Variants in SHISA6 observed in about 807,000 individuals in gnomAD.
SHISA6 encodes shisa family member 6.
In SHISA6, 22 loss-of-function variants were observed where a neutral mutation model predicts 47.9. The ratio of observed to expected loss-of-function variants is 0.46; its 90% CI spans 0.33 to 0.66. The LOEUF is 0.66. Among genes scored for constraint, SHISA6 ranks in the 30% least tolerant of loss-of-function variants. The pLI is 0.02. For missense variants in SHISA6, 680 were observed against 764.6 expected, an observed-to-expected ratio of 0.89 and a Z score of 1.30; for synonymous variants, 388 against 337.8, an observed-to-expected ratio of 1.15 and a Z score of -1.63.
At chr17:11,385,237 G>A (rs140599719) in intron 3 of SHISA6, among the ~76,000 whole-genome samples, 8 of 152,276 alleles carry the variant, frequency 5.3e-5, no homozygotes, top group East Asian at 1.9e-4. Flanking sequence ...GGATCAGGCC[G>A]TCTGGATTCC....
chr17:11,357,229 A>C (rs960816935), intron 2 of SHISA6, among the ~76,000 whole-genome samples: 14 of 150,654 alleles, frequency 9.3e-5, no homozygotes, highest in African/African-American at 2.2e-4. Flanking sequence ...GAAGAAGAAG[A>C]AGCAGGGAGG....
chr17:11,423,326 TATAG>T (rs57338481), intron 3 of SHISA6, among the ~76,000 whole-genome samples: 6,331 of 142,608 alleles, frequency 0.044, 191 homozygotes, highest in East Asian at 0.09. Flanking sequence ...GTAACATATA[TATAG>T]ATAGATAGAT....
chr17:11,523,357 C>A (rs1235635564), intron 3 of SHISA6, among the ~76,000 whole-genome samples: 3 of 152,174 alleles, frequency 2.0e-5, no homozygotes, highest in Non-Finnish European at 4.4e-5. Context: ...CAAAAGGAAT[C>A]TGACAAAACA....
In SHISA6 at chr17:11,558,320, CG is replaced by C. The variant is rs2072004416; in HGVS notation, c.*20del. ...GACCGTGTGACCGGCGGGGCAGGGC[CG>C]GGGCTGCTGGGCGTGGCAGAGCAGA... is the stretch of plus-strand genomic sequence containing the variant. On this transcript the variant is annotated 3_prime_UTR_variant, in exon 6 of 6. Transcript: ENST00000441885. 1 of 1,534,034 alleles carries C rather than the reference CG, an allele frequency of 6.5e-7. No individual in the cohort carries two copies. The highest frequency in any genetic ancestry group is 2.0e-5 in the Admixed American group (1 of 50,840).
At chr17:11,516,157 G>A (rs2071584070) in intron 3 of SHISA6, among the ~76,000 whole-genome samples, 1 of 152,112 alleles carries the variant, frequency 6.6e-6, no homozygotes, top group South Asian at 2.1e-4. Flanking sequence ...TTTATAAGCT[G>A]AACACCAGAG....
intron 1 of SHISA6, among the ~76,000 whole-genome samples, chr17:11,252,059 A>T (rs1218098217): frequency 6.6e-6 from 1 of 151,972 alleles, no homozygotes; most frequent in African/African-American, 2.4e-5. Context: ...CCCTGTTTTC[A>T]TCCTTCTTGT....
intron 3 of SHISA6, among the ~76,000 whole-genome samples, chr17:11,479,112 A>G (rs57002533): frequency 0.027 from 4,034 of 152,072 alleles, 191 homozygotes; most frequent in African/African-American, 0.092. Context: ...AGTTTGCAAT[A>G]TACACCTACA....
chr17:11,257,828 A>G (rs190556642), intron 1 of SHISA6, among the ~76,000 whole-genome samples: 73 of 152,276 alleles, frequency 4.8e-4, no homozygotes, highest in Non-Finnish European at 5.9e-5. Flanking sequence ...AGAATTAGCT[A>G]TCAGAGACTT....
intron 3 of SHISA6, among the ~76,000 whole-genome samples, chr17:11,467,330 C>T (rs1310687383): frequency 6.6e-6 from 1 of 152,152 alleles, no homozygotes; most frequent in East Asian, 1.9e-4. Flanking sequence ...TAAACCACCA[C>T]CACCAACACC....
intron 3 of SHISA6, among the ~76,000 whole-genome samples, chr17:11,469,327 G>A (rs1230314052): frequency 1.3e-5 from 2 of 152,120 alleles, no homozygotes; most frequent in Non-Finnish European, 2.9e-5. Flanking sequence ...TGAAGATGGA[G>A]GAAGGGGCCA....
chr17:11,349,617 G>A (rs147246371), intron 2 of SHISA6, among the ~76,000 whole-genome samples: 63 of 152,288 alleles, frequency 4.1e-4, no homozygotes, highest in African/African-American at 1.3e-3. Context: ...TTGGGGATGG[G>A]GGACGCGTGA....
At chr17:11,526,671 G>T (rs2142367542) in intron 3 of SHISA6, among the ~76,000 whole-genome samples, 1 of 152,088 alleles carries the variant, frequency 6.6e-6, no homozygotes, top group Non-Finnish European at 1.5e-5. Flanking sequence ...ACGTTATACA[G>T]CTGAGTTTTA....
intron 3 of SHISA6, among the ~76,000 whole-genome samples, chr17:11,535,741 T>C (rs1597574797): frequency 6.6e-6 from 1 of 152,324 alleles, no homozygotes; most frequent in Non-Finnish European, 1.5e-5. Context: ...AGCTACTTAT[T>C]TTTTGCGTGA....
chr17:11,550,058 T>C (rs75559062), intron 3 of SHISA6, among the ~76,000 whole-genome samples: 1 of 144,348 alleles, frequency 6.9e-6, no homozygotes, highest in African/African-American at 2.5e-5. Flanking sequence ...GTGCTTGACA[T>C]TTTTTTTTTT....
chr17:11,248,842 G>A, intron 1 of SHISA6, among the ~76,000 whole-genome samples: 1 of 152,090 alleles, frequency 6.6e-6, no homozygotes. Flanking sequence ...GCAGAAATCT[G>A]TCATTAAAAA....
rs552596148 is a variant in SHISA6 at position 11,489,063 on chromosome 17, C to A, written c.896-62833C>A. 2.4e-4 allele frequency among the ~76,000 whole-genome samples: 37 copies of A among 152,254 alleles called. 2 individuals carry two copies. In the South Asian group the frequency reaches 7.7e-3, roughly 32 times the overall value. On this transcript the variant is annotated intron_variant, in intron 3 of 5. Coordinates refer to ENST00000441885, the MANE Select transcript of SHISA6 (RefSeq NM_207386.4). ...TCTAGATTCTCTCTTCTAGGCTAGG[C>A]AAGATGTCTCCAAAATCTTTCTGGT...
chr17:11,447,817 G>A (rs1327321613), intron 3 of SHISA6, among the ~76,000 whole-genome samples: 1 of 152,176 alleles, frequency 6.6e-6, no homozygotes, highest in Non-Finnish European at 1.5e-5. Flanking sequence ...GTTTTGCTAT[G>A]GAAGGAAATA....
chr17:11,330,758 T>C (rs993413741), intron 2 of SHISA6, among the ~76,000 whole-genome samples: 1 of 151,662 alleles, frequency 6.6e-6, no homozygotes, highest in Admixed American at 6.6e-5. Context: ...AGTATCTAGA[T>C]GTTTAAGGTA....
chr17:11,343,575 T>C (rs1018388660), intron 2 of SHISA6, among the ~76,000 whole-genome samples: 1 of 152,180 alleles, frequency 6.6e-6, no homozygotes, highest in Non-Finnish European at 1.5e-5. Flanking sequence ...GATGCTGAAC[T>C]GGGGGGCGTT....
Sources: gnomAD v4.1 joint callset for allele counts (sites outside exome capture counted in the v4.1 genomes callset) on GRCh38, gnomAD v4.1.1 for gene constraint, MANE v1.5 for transcripts, NCBI Gene and HGNC (gene_info 2026-07-23, HGNC 2026-07-21) for gene names.